Variants in PTPRQ observed in about 807,000 individuals in gnomAD.
PTPRQ encodes the protein phosphatidylinositol phosphatase PTPRQ.
PTPRQ carries 199 observed loss-of-function variants against 246.0 expected under a neutral mutation model. The observed-to-expected ratio is 0.81, with a 90% CI of 0.72 to 0.91. The LOEUF (loss-of-function observed/expected upper bound fraction) is 0.91. Ranked by LOEUF, PTPRQ falls within the 40% of genes least tolerant of loss-of-function variation. PTPRQ has a pLI of 0.00. For synonymous variants in PTPRQ, 869 were observed against 853.2 expected (o/e 1.02, Z -0.32); for missense variants, 2,624 against 2,528.4 (o/e 1.04, Z -0.81).
intron 7 of PTPRQ, among the ~76,000 whole-genome samples, chr12:80,469,680 A>G (rs1383132413): frequency 1.3e-5 from 2 of 152,188 alleles, no homozygotes; most frequent in Admixed American, 1.3e-4. Context: ...TTTCATCCCT[A>G]AGTAACTTAT....
chr12:80,605,484 T>C (rs926678307), intron 27 of PTPRQ, among the ~76,000 whole-genome samples: 1 of 151,258 alleles, frequency 6.6e-6, no homozygotes, highest in African/African-American at 2.4e-5. Flanking sequence ...TGTGTATATA[T>C]ATGTATGTAT....
At chr12:80,477,709 A>T (rs1036750868) in intron 8 of PTPRQ, among the ~76,000 whole-genome samples, 1 of 152,180 alleles carries the variant, frequency 6.6e-6, no homozygotes, top group African/African-American at 2.4e-5. Context: ...GCATTGCCTC[A>T]CTCGGGAAGC....
At chr12:80,558,143 C>CTTTTCT (rs1565785541) in intron 25 of PTPRQ, among the ~76,000 whole-genome samples, 10 of 108,986 alleles carry the variant, frequency 9.2e-5, no homozygotes, top group African/African-American at 4.4e-4. Flanking sequence ...CTTTTCTTTT[C>CTTTTCT]TTTTCTTTTC....
intron 32 of PTPRQ, among the ~76,000 whole-genome samples, chr12:80,621,325 C>T (rs752200678): frequency 2.2e-4 from 33 of 151,816 alleles, no homozygotes; most frequent in Non-Finnish European, 4.1e-4. Context: ...ATTTATTTTG[C>T]ATATTTGTTC....
At chr12:80,660,397 C>A (rs1900589406) in intron 39 of PTPRQ, among the ~76,000 whole-genome samples, 1 of 151,850 alleles carries the variant, frequency 6.6e-6, no homozygotes, top group Non-Finnish European at 1.5e-5. Flanking sequence ...GAATGGTGCT[C>A]CCAGAGTTAG....
At chr12:80,548,173 C>T (rs1401631671) in intron 24 of PTPRQ, among the ~76,000 whole-genome samples, 1 of 151,862 alleles carries the variant, frequency 6.6e-6, no homozygotes, top group African/African-American at 2.4e-5. Flanking sequence ...AAATTGTACC[C>T]CAACATTCTA....
In PTPRQ at chr12:80,664,027, A is replaced by G. The variant is rs141331747; in HGVS notation, c.6193-4980A>G. 3.6e-4 allele frequency among the ~76,000 whole-genome samples: 55 copies of G among 151,900 alleles called. 1 individual carries two copies. Among genetic ancestry groups the G allele is most frequent in the African/African-American group, 1.3e-3 (54 of 41,444 alleles). On this transcript the variant is annotated intron_variant, in intron 39 of 44. Transcript: ENST00000644991. ...GTATATATCCTCAACTCTCAAATTT[A>G]TCTCTTATAGTCTCGACCTTTTGAT... is the stretch of plus-strand genomic sequence containing the variant.
chr12:80,447,966 T>C (rs1346212102), intron 3 of PTPRQ, among the ~76,000 whole-genome samples: 2 of 148,224 alleles, frequency 1.3e-5, no homozygotes, highest in African/African-American at 5.3e-5. Flanking sequence ...AAGAATTGTG[T>C]TGAATCTGTA....
At chr12:80,466,556 C>G (rs1173160202) in intron 6 of PTPRQ, among the ~76,000 whole-genome samples, 1 of 152,168 alleles carries the variant, frequency 6.6e-6, no homozygotes, top group Non-Finnish European at 1.5e-5. Context: ...CAAGTCAATC[C>G]TAAGCCAAAA....
chr12:80,452,219 A>G (rs1275897707), intron 3 of PTPRQ, among the ~76,000 whole-genome samples: 2 of 146,714 alleles, frequency 1.4e-5, no homozygotes, highest in African/African-American at 5.2e-5. Context: ...TTTGCTTGGT[A>G]GATCTTCCTC....
intron 39 of PTPRQ, 50 bp from the exon 40 acceptor site, chr12:80,668,957 A>C (rs1454975459): frequency 2.7e-6 from 4 of 1,490,756 alleles, no homozygotes. Context: ...AAACTAAAAC[A>C]CTGTATCTGT....
intron 38 of PTPRQ, among the ~76,000 whole-genome samples, chr12:80,656,551 G>A (rs1379693863): frequency 6.6e-6 from 1 of 152,026 alleles, no homozygotes; most frequent in Non-Finnish European, 1.5e-5. Flanking sequence ...ATTACTGGAT[G>A]TTTCAATTAT....
chr12:80,599,318 T>G (rs1242805666), intron 26 of PTPRQ, among the ~76,000 whole-genome samples: 1 of 151,932 alleles, frequency 6.6e-6, no homozygotes, highest in Admixed American at 6.6e-5. Flanking sequence ...TCATTCCTAC[T>G]GAGTAAATTG....
In PTPRQ at chr12:80,541,604, TG is replaced by T. The variant is rs1450763362; in HGVS notation, c.3205del (p.Ala1069GlnfsTer2). 2.6e-6 allele frequency: 4 copies of T among 1,541,544 alleles called. No individual in the cohort carries two copies. The highest frequency in any genetic ancestry group is 2.6e-6 in the Non-Finnish European group (3 of 1,142,076). On this transcript the variant is annotated frameshift_variant, in exon 21 of 45. Transcript: ENST00000644991. LOFTEE classifies it high-confidence loss of function. ...TGACTTACGAATCCATTTCGTCAAC[TG>T]CAATAAATGTAAGCTGGGTCCCACC... ...NLTYESISST[A>X]INVSWVPPAQ...
chr12:80,467,142 A>T (rs1323017020), intron 6 of PTPRQ, among the ~76,000 whole-genome samples: 1 of 152,236 alleles, frequency 6.6e-6, no homozygotes, highest in South Asian at 2.1e-4. Flanking sequence ...ATCTACAATG[A>T]ACTCAAACAA....
rs1192465022 is a variant in PTPRQ at position 80,539,648 on chromosome 12, G to C, written c.2986-128G>C. 7 of 750,096 alleles carry C rather than the reference G, an allele frequency of 9.3e-6. No individual in the cohort carries two copies. The Admixed American group carries it at 3.0e-4, about 32-fold the overall frequency. 46.5% of individuals were successfully genotyped at this position (750,096 alleles called of 1,614,324 possible). A position where few individuals can be genotyped will look rare whatever the true frequency, so the allele number is the denominator to read the frequency against. ...GTTGCAATAAAAAATGTTCTATGTC[G>C]ATTTTCCTAAAACAACATATTAAAA... On this transcript the variant is annotated intron_variant, in intron 19 of 44. Transcript: ENST00000644991.
At chr12:80,468,934 TA>T in intron 7 of PTPRQ, 96 bp downstream of exon 7, 1 of 1,448,638 alleles carries the variant, frequency 6.9e-7, no homozygotes, top group Non-Finnish European at 9.1e-7. Flanking sequence ...AGACTCTTTT[TA>T]AAAGACTCTA....
At chr12:80,452,437 G>T (rs1374660089) in intron 3 of PTPRQ, among the ~76,000 whole-genome samples, 1 of 152,234 alleles carries the variant, frequency 6.6e-6, no homozygotes, top group Non-Finnish European at 1.5e-5. Flanking sequence ...TTGCTCGTTA[G>T]TTGATGCAGT....
chr12:80,493,211 T>C, intron 9 of PTPRQ, 64 bp from the exon 10 acceptor site: 1 of 1,353,308 alleles, frequency 7.4e-7, no homozygotes, highest in Non-Finnish European at 9.6e-7. Context: ...TTAGAACTAA[T>C]ACTTGATTTA....
Sources: allele counts gnomAD v4.1 joint callset (sites outside exome capture counted in the v4.1 genomes callset), GRCh38; gene constraint gnomAD v4.1.1; transcripts MANE v1.5; gene names NCBI Gene and HGNC (gene_info 2026-07-23, HGNC 2026-07-21).